The following SPRED2 variants were observed in gnomAD, a reference collection of about 807,000 sequenced individuals.
The protein encoded by SPRED2 is sprouty related EVH1 domain containing 2.
SPRED2 carries 47 observed loss-of-function variants against 43.0 expected under a neutral mutation model. The observed-to-expected ratio is 1.09, with a 90% CI of 0.87 to 1.40. The LOEUF is 1.40. Among genes scored for constraint, SPRED2 ranks in the 40% most tolerant of loss-of-function variants. The pLI, the probability that SPRED2 is intolerant of heterozygous loss-of-function variation, is 0.00. For synonymous variants in SPRED2, 225 were observed against 225.7 expected, an observed-to-expected ratio of 1.00 and a Z score of 0.03; for missense variants, 561 against 586.4, an observed-to-expected ratio of 0.96 and a Z score of 0.45.
At chr2:65,368,577 A>C (rs958158675) in intron 1 of SPRED2, among the ~76,000 whole-genome samples, 1 of 152,222 alleles carries the variant, frequency 6.6e-6, no homozygotes, top group Non-Finnish European at 1.5e-5. Context: ...GAAAAATACA[A>C]AAATAATAGC....
In SPRED2 at chr2:65,312,435, T is replaced by C. The variant is rs1558643952; in HGVS notation, c.*1066A>G. ...TTTAAAAATCCCCTCTCCCCATTAA[T>C]ATAAAATAGCCAGGGGTTGGGGGGA... On this transcript the variant is annotated 3_prime_UTR_variant, in exon 6 of 6. Transcript: ENST00000356388. 1.0e-6 allele frequency: 1 copy of C among 985,300 alleles called. No individual in the cohort carries two copies. Among genetic ancestry groups the C allele is most frequent in the Non-Finnish European group, 1.2e-6 (1 of 829,928 alleles). The allele number at this position is 985,300 out of a possible 1,614,324, so 61.0% of individuals were successfully genotyped here.
At chr2:65,431,598 G>A (rs1676696393) in intron 1 of SPRED2, among the ~76,000 whole-genome samples, 1 of 152,226 alleles carries the variant, frequency 6.6e-6, no homozygotes, top group African/African-American at 2.4e-5. Context: ...AAACCCACCA[G>A]CCCCGGGAAG....
chr2:65,421,019 G>A (rs1043442213), intron 1 of SPRED2, among the ~76,000 whole-genome samples: 11 of 152,212 alleles, frequency 7.2e-5, no homozygotes, highest in South Asian at 2.1e-4. Flanking sequence ...TTCCCAGGGC[G>A]GCAGCCTTTC....
At chr2:65,428,416 A>G (rs1676604774) in intron 1 of SPRED2, among the ~76,000 whole-genome samples, 1 of 152,250 alleles carries the variant, frequency 6.6e-6, no homozygotes, top group African/African-American at 2.4e-5. Context: ...CTGGCTGAAT[A>G]ACCAGTTATA....
chr2:65,344,846 G>C lies in SPRED2; in HGVS notation c.77C>G (p.Ser26Cys). ...VKAVVMTRDD[S>C]SGGWFPQEGG... ...TTCCTGTGGGAACCATCCCCCGCTG[G>C]AGTCATCTCTGGTCATAACCACAGC... is the stretch of plus-strand genomic sequence containing the variant. Residue 26 changes from serine to cysteine, a missense_variant, in exon 2 of 6, where the codon TCC becomes TGC. Transcript: ENST00000356388. The C allele has an allele frequency of 6.2e-7, 1 of 1,614,052 alleles. No individual in the cohort carries two copies. The highest frequency in any genetic ancestry group is 1.1e-5 in the South Asian group (1 of 91,072).
At chr2:65,405,558 C>T (rs1054484090) in intron 1 of SPRED2, among the ~76,000 whole-genome samples, 1 of 152,116 alleles carries the variant, frequency 6.6e-6, no homozygotes, top group Non-Finnish European at 1.5e-5. Flanking sequence ...GGACAAAACT[C>T]CCCCAATTAA....
rs1448863679 is a variant in SPRED2, at chr2:65,423,215, C to T, written c.26+8747G>A. ...TAAGAGGATGGTCAGTCCCACCCAT[C>T]CACACCAAGCCTACTGACTTTTGTT... is the stretch of plus-strand genomic sequence containing the variant. On this transcript the variant is annotated intron_variant, in intron 1 of 5. Coordinates refer to ENST00000356388, the MANE Select transcript of SPRED2 (RefSeq NM_181784.3). Among the ~76,000 whole-genome samples the T allele has an allele frequency of 4.6e-5, 7 of 152,338 alleles. No homozygotes were observed. The East Asian group carries it at 1.3e-3, about 29-fold the overall frequency.
At chr2:65,316,682 A>G (rs778735762) in intron 5 of SPRED2, 52 bp downstream of exon 5, 2 of 1,564,012 alleles carry the variant, frequency 1.3e-6, no homozygotes, top group East Asian at 4.6e-5. Flanking sequence ...AGGCCATTCC[A>G]GAATCAGAGG....
chr2:65,308,388 C>G, downstream of SPRED2: 1 of 985,450 alleles, frequency 1.0e-6, no homozygotes, highest in African/African-American at 1.7e-5. Context: ...GTCCTTGGAG[C>G]TGTGAACATA....
At chr2:65,391,501 T>C (rs35312858) in intron 1 of SPRED2, among the ~76,000 whole-genome samples, 2 of 152,210 alleles carry the variant, frequency 1.3e-5, no homozygotes, top group East Asian at 3.9e-4. Flanking sequence ...TTTCATTCAG[T>C]TTTGTATTGC....
chr2:65,403,207 A>G (rs1675945402), intron 1 of SPRED2, among the ~76,000 whole-genome samples: 1 of 152,252 alleles, frequency 6.6e-6, no homozygotes, highest in East Asian at 1.9e-4. Context: ...TAAGGAGACA[A>G]CTATTAAATA....
chr2:65,393,325 GC>G (rs2103692762), intron 1 of SPRED2, among the ~76,000 whole-genome samples: 1 of 61,656 alleles, frequency 1.6e-5, no homozygotes, highest in South Asian at 6.2e-4. Context: ...TAATCATAAG[GC>G]TTTTTTTTTT....
At position 65,311,004 on chromosome 2, in the gene SPRED2, T is replaced by TA. The variant is rs1673053563; in HGVS notation, c.*2496dup. 4.1e-6 allele frequency: 4 copies of TA among 984,122 alleles called. No individual in the cohort carries two copies. The highest frequency in any genetic ancestry group is 3.6e-6 in the Non-Finnish European group (3 of 828,504). The allele number at this position is 984,122 out of a possible 1,614,324, so 61.0% of individuals were successfully genotyped here. A position where few individuals can be genotyped will look rare whatever the true frequency, so the allele number is the denominator to read the frequency against. ...TACACAGAGGTAAAAAGGCTTATTA[T>TA]AAAAAAATCAATACAACAGGGTTTT... On this transcript the variant is annotated 3_prime_UTR_variant, in exon 6 of 6. Coordinates refer to ENST00000356388, the MANE Select transcript of SPRED2 (RefSeq NM_181784.3).
intron 1 of SPRED2, among the ~76,000 whole-genome samples, chr2:65,345,394 G>C (rs1335575528): frequency 6.6e-6 from 1 of 151,464 alleles, no homozygotes; most frequent in Non-Finnish European, 1.5e-5. Context: ...CCAAGTAGCT[G>C]GGATTATAGG....
intron 1 of SPRED2, among the ~76,000 whole-genome samples, chr2:65,366,274 G>A (rs10192943): frequency 0.056 from 8,461 of 151,930 alleles, 855 homozygotes; most frequent in African/African-American, 0.19. Context: ...TTCCTAGGCA[G>A]CATCTTTTAG....
Position 65,318,065 on chromosome 2 carries a change from A to T in SPRED2, c.439-1182T>A, listed in dbSNP as rs1418710790. ...GGAGGGACCTGCTGGGAGGTAAGTG[A>T]ATCATTGGGGCAAGTCTTTCCCGTG... On this transcript the variant is annotated intron_variant, in intron 4 of 5. Coordinates refer to ENST00000356388, the MANE Select transcript of SPRED2 (RefSeq NM_181784.3). 2.6e-5 allele frequency among the ~76,000 whole-genome samples: 4 copies of T among 152,098 alleles called. 1 individual carries two copies. The South Asian group carries it at 8.3e-4, about 32-fold the overall frequency.
chr2:65,409,397 A>G (rs897089655), intron 1 of SPRED2, among the ~76,000 whole-genome samples: 1 of 152,232 alleles, frequency 6.6e-6, no homozygotes, highest in South Asian at 2.1e-4. Flanking sequence ...AGATACACTA[A>G]ATAATAGACT....
chr2:65,322,287 TATA>T lies in SPRED2; in HGVS notation c.439-5407_439-5405del, dbSNP rs1244203161. Among the ~76,000 whole-genome samples, 400 of 103,930 alleles carry T rather than the reference TATA, an allele frequency of 3.8e-3. 11 individuals carry two copies. The highest frequency in any genetic ancestry group is 5.6e-3 in the Non-Finnish European group (303 of 54,566). The allele number at this position is 103,930 out of a possible 152,430, so 68.2% of individuals were successfully genotyped here. ...CTCTCTCTCTATATATATATATATA[TATA>T]TATATTTTTTTTTTTTTTTTTGAGA... is the stretch of plus-strand genomic sequence containing the variant. On this transcript the variant is annotated intron_variant, in intron 4 of 5. Coordinates refer to ENST00000356388, the MANE Select transcript of SPRED2 (RefSeq NM_181784.3).
At position 65,432,029 on chromosome 2, in the gene SPRED2, T is replaced by G. The variant is rs755686622; in HGVS notation, c.-42A>C. On this transcript the variant is annotated 5_prime_UTR_variant, in exon 1 of 6. Transcript: ENST00000356388. ...ACGCCTGTCCCGCGGCGGGCAGCTTTGCTCCCTTCATCTTCCTGTCCGCTC... is the reference window on the plus strand; with the variant it reads ...ACGCCTGTCCCGCGGCGGGCAGCTTGGCTCCCTTCATCTTCCTGTCCGCTC... 8 of 1,613,492 alleles carry G rather than the reference T, an allele frequency of 5.0e-6. No homozygotes were observed. The South Asian group carries it at 8.8e-5, about 18-fold the overall frequency.
Sources: gnomAD v4.1 joint callset for allele counts (sites outside exome capture counted in the v4.1 genomes callset) on GRCh38, gnomAD v4.1.1 for gene constraint, MANE v1.5 for transcripts, NCBI Gene and HGNC (gene_info 2026-07-23, HGNC 2026-07-21) for gene names.